Variants in FAT3 observed in about 807,000 individuals in gnomAD.
FAT3 encodes FAT atypical cadherin 3, also known as protocadherin Fat 3.
In FAT3, 95 loss-of-function variants were observed where a neutral mutation model predicts 310.2. That is an observed-to-expected ratio of 0.31 (90% CI 0.26 to 0.36). The LOEUF is 0.36. Among genes scored for constraint, FAT3 ranks in the 10% least tolerant of loss-of-function variants. The pLI, the probability that FAT3 is intolerant of heterozygous loss-of-function variation, is 1.00. For synonymous variants in FAT3, 2,314 were observed against 2,192.9 expected, an observed-to-expected ratio of 1.06 and a Z score of -1.54; for missense variants, 5,408 against 5,715.6, an observed-to-expected ratio of 0.95 and a Z score of 1.74.
At chr11:92,583,986 A>G (rs771393942) in intron 3 of FAT3, among the ~76,000 whole-genome samples, 1 of 152,018 alleles carries the variant, frequency 6.6e-6, no homozygotes, top group Non-Finnish European at 1.5e-5. Flanking sequence ...CAATGCAAAG[A>G]TTGTCCTTAG....
chr11:92,507,594 A>G (rs1469556149), intron 2 of FAT3, among the ~76,000 whole-genome samples: 1 of 151,830 alleles, frequency 6.6e-6, no homozygotes, highest in East Asian at 1.9e-4. Flanking sequence ...TACACCCTAT[A>G]TAACATATAT....
intron 3 of FAT3, among the ~76,000 whole-genome samples, chr11:92,621,437 G>T (rs1201623322): frequency 6.6e-6 from 1 of 152,122 alleles, no homozygotes; most frequent in East Asian, 1.9e-4. Flanking sequence ...TTCATCCCCA[G>T]CTCCTCCTCC....
chr11:92,407,508 A>T (rs1565291815), intron 2 of FAT3, among the ~76,000 whole-genome samples: 7 of 152,176 alleles, frequency 4.6e-5, no homozygotes, highest in Admixed American at 4.6e-4. Flanking sequence ...CCTTTGCTTC[A>T]GTTCATGCAT....
intron 3 of FAT3, among the ~76,000 whole-genome samples, chr11:92,686,544 G>A (rs955491824): frequency 4.6e-5 from 7 of 151,938 alleles, no homozygotes; most frequent in Middle Eastern, 3.4e-3. Context: ...AAACTAATGG[G>A]GTTTTACAAT....
At chr11:92,791,620 CT>C in intron 8 of FAT3, among the ~76,000 whole-genome samples, 1 of 152,284 alleles carries the variant, frequency 6.6e-6, no homozygotes, top group African/African-American at 2.4e-5. Context: ...CTAGCTAAGC[CT>C]TTTAGTCATT....
chr11:92,777,035 A>C (rs1033878496), intron 7 of FAT3, among the ~76,000 whole-genome samples: 2 of 152,200 alleles, frequency 1.3e-5, no homozygotes, highest in African/African-American at 4.8e-5. Context: ...ATTTTGGGAA[A>C]TAAAAGGCAT....
At chr11:92,888,374 C>T (rs1949843120) in intron 25 of FAT3, among the ~76,000 whole-genome samples, 1 of 152,134 alleles carries the variant, frequency 6.6e-6, no homozygotes, top group Admixed American at 6.5e-5. Flanking sequence ...AATATAGAGT[C>T]CAGAGTCCAG....
At chr11:92,580,040 T>C (rs573724291) in intron 3 of FAT3, among the ~76,000 whole-genome samples, 6 of 152,234 alleles carry the variant, frequency 3.9e-5, no homozygotes, top group South Asian at 4.1e-4. Context: ...CGATGACTGC[T>C]TGAATTCTTT....
At chr11:92,735,568 AG>A (rs2136011211) in intron 4 of FAT3, among the ~76,000 whole-genome samples, 1 of 138,180 alleles carries the variant, frequency 7.2e-6, no homozygotes, top group East Asian at 1.9e-4. Context: ...ATAGATAGAT[AG>A]ATAGATAGAT....
intron 4 of FAT3, among the ~76,000 whole-genome samples, chr11:92,725,914 A>AT (rs534864634): frequency 4.0e-5 from 6 of 151,230 alleles, no homozygotes; most frequent in Admixed American, 6.6e-5. Flanking sequence ...TAGACAGTTT[A>AT]TTTTTTTTTA....
intron 7 of FAT3, among the ~76,000 whole-genome samples, chr11:92,778,301 G>T (rs1946645692): frequency 6.6e-6 from 1 of 152,010 alleles, no homozygotes; most frequent in Admixed American, 6.6e-5. Context: ...ATTATCCCAA[G>T]TTTTAAAAGC....
In FAT3 at chr11:92,393,150, G is replaced by T. The variant is rs182421830; in HGVS notation, c.3292+37746G>T. Among the ~76,000 whole-genome samples the T allele has an allele frequency of 9.9e-5, 15 of 152,228 alleles. No individual in the cohort carries two copies. In the East Asian group the frequency reaches 2.7e-3, roughly 27 times the overall value. ...CTAGCTGCTATTTCTTTTCCAGCTGGCTTTATACCTACCATTAGAGAGAGA... is the reference window on the plus strand; with the variant it reads ...CTAGCTGCTATTTCTTTTCCAGCTGTCTTTATACCTACCATTAGAGAGAGA... On this transcript the variant is annotated intron_variant, in intron 2 of 27. Coordinates refer to ENST00000525166, the MANE Select transcript of FAT3 (RefSeq NM_001367949.2).
chr11:92,336,703 A>C (rs1281708498), intron 1 of FAT3, among the ~76,000 whole-genome samples: 1 of 152,192 alleles, frequency 6.6e-6, no homozygotes, highest in Non-Finnish European at 1.5e-5. Context: ...AATAAAACCA[A>C]ATAACCAGAA....
chr11:92,600,341 A>G (rs1021434316), intron 3 of FAT3, among the ~76,000 whole-genome samples: 2 of 152,228 alleles, frequency 1.3e-5, no homozygotes, highest in Non-Finnish European at 2.9e-5. Context: ...TTACAGCTAC[A>G]TTTGAGATGG....
intron 1 of FAT3, among the ~76,000 whole-genome samples, chr11:92,295,446 G>A (rs969967617): frequency 6.6e-6 from 1 of 152,124 alleles, no homozygotes. Flanking sequence ...TTGCTATCCC[G>A]AGCTGTGCCG....
Position 92,353,870 on chromosome 11 carries a change from T to G in FAT3, c.1758T>G (p.Val586=), listed in dbSNP as rs201479806. The change falls in exon 2 of 28, where the codon GTT becomes GTG. Residue 586 remains valine, a synonymous_variant. Transcript: ENST00000525166. The part of the protein sequence containing the change: ...PLFEKVACQG[V]ISYDFPVGGH... ...TTGAAAAAGTGGCTTGCCAGGGAGT[T>G]ATTTCATATGACTTTCCAGTTGGTG... is the stretch of plus-strand genomic sequence containing the variant. 1.4e-3 allele frequency: 2,190 copies of G among 1,613,590 alleles called. 9 individuals are homozygous for G. Among genetic ancestry groups the G allele is most frequent in the Non-Finnish European group, 1.6e-3 (1,877 of 1,179,712 alleles).
At chr11:92,516,006 A>C (rs1385663184) in intron 2 of FAT3, among the ~76,000 whole-genome samples, 1 of 152,186 alleles carries the variant, frequency 6.6e-6, no homozygotes, top group East Asian at 1.9e-4. Flanking sequence ...ATAGCCTACC[A>C]ACCCAAAAAA....
intron 3 of FAT3, among the ~76,000 whole-genome samples, chr11:92,618,398 G>C (rs1443582161): frequency 6.6e-6 from 1 of 152,186 alleles, no homozygotes; most frequent in African/African-American, 2.4e-5. Context: ...CCTTGGCTAG[G>C]AAAGGGAATT....
chr11:92,287,471 T>TA (rs1946587602), intron 1 of FAT3, among the ~76,000 whole-genome samples: 2 of 152,142 alleles, frequency 1.3e-5, no homozygotes, highest in African/African-American at 4.8e-5. Flanking sequence ...TTCTACCTAA[T>TA]GTACAGTATA....
Sources: allele counts gnomAD v4.1 joint callset (sites outside exome capture counted in the v4.1 genomes callset), GRCh38; gene constraint gnomAD v4.1.1; transcripts MANE v1.5; gene names NCBI Gene and HGNC (gene_info 2026-07-23, HGNC 2026-07-21).